ACMSD: variants seen among roughly 807,000 people sequenced by gnomAD.
ACMSD encodes aminocarboxymuconate semialdehyde decarboxylase, also known as 2-amino-3-carboxymuconate-6-semialdehyde decarboxylase.
ACMSD carries 37 observed loss-of-function variants against 45.9 expected under a neutral mutation model. The ratio of observed to expected loss-of-function variants is 0.81; its 90% CI spans 0.62 to 1.06. The LOEUF (loss-of-function observed/expected upper bound fraction) is 1.06, where lower values mean the gene tolerates loss of function less well. ACMSD is among the 50% of genes least tolerant of loss of function. ACMSD has a pLI of 0.00. For synonymous variants in ACMSD, 138 were observed against 148.8 expected (o/e 0.93, Z 0.53); for missense variants, 434 against 420.9 (o/e 1.03, Z -0.27).
At chr2:134,877,408 T>G (rs1688793657) in intron 8 of ACMSD, 1 of 152,198 alleles carries the variant, frequency 6.6e-6, no homozygotes, top group African/African-American at 2.4e-5. Flanking sequence ...TAGAAATAGC[T>G]TAACTGACCC....
At chr2:134,898,083 A>C (rs1409191364) in intron 8 of ACMSD, among the ~76,000 whole-genome samples, 1 of 151,554 alleles carries the variant, frequency 6.6e-6, no homozygotes, top group East Asian at 1.9e-4. Flanking sequence ...TCTATATTTC[A>C]GTTATTTAAA....
At chr2:134,848,281 T>C (rs890105202) in intron 2 of ACMSD, among the ~76,000 whole-genome samples, 2 of 152,242 alleles carry the variant, frequency 1.3e-5, no homozygotes, top group African/African-American at 4.8e-5. Flanking sequence ...TTATAATCCT[T>C]TGGGTATATA....
chr2:134,883,770 A>G (rs1689173064), intron 8 of ACMSD, among the ~76,000 whole-genome samples: 1 of 152,158 alleles, frequency 6.6e-6, no homozygotes, highest in African/African-American at 2.4e-5. Context: ...GAGTGCTACA[A>G]TTACAGGTGT....
rs181883901 is a variant in ACMSD at position 134,890,738 on chromosome 2, A to T, written c.850-7603A>T. Among the ~76,000 whole-genome samples, 375 of 152,146 alleles carry T rather than the reference A, an allele frequency of 2.5e-3. 6 individuals are homozygous for T. Among genetic ancestry groups the T allele is most frequent in the Admixed American group, 0.023 (358 of 15,262 alleles). On this transcript the variant is annotated intron_variant, in intron 8 of 9. Coordinates refer to ENST00000356140, the MANE Select transcript of ACMSD (RefSeq NM_138326.3). ...ATATATACATAAATATCTATGAGAA[A>T]ATGATAAAGCAAAGATGGCAAAGTA...
chr2:134,845,260 C>A lies in ACMSD; in HGVS notation c.85C>A (p.Leu29Ile). The A allele has an allele frequency of 6.2e-7, 1 of 1,614,096 alleles. No homozygotes were observed. The highest frequency in any genetic ancestry group is 1.1e-5 in the South Asian group (1 of 91,080). The change falls in exon 2 of 10, where the codon CTC (leucine) becomes ATC (isoleucine). Residue 29 changes from leucine (L) to isoleucine (I), a missense_variant. By Grantham distance (5) the Leu-to-Ile change is conservative. Coordinates refer to ENST00000356140, the MANE Select transcript of ACMSD (RefSeq NM_138326.3). ...GTTTGGCTACGGAGGCTGGGTGCAG[C>A]TCCAACACCACAGCAAGGTGAGTTT... is the stretch of plus-strand genomic sequence containing the variant. ...KRFGYGGWVQ[L>I]QHHSKGEAKL...
intron 1 of ACMSD, among the ~76,000 whole-genome samples, chr2:134,839,138 C>T (rs1292589766): frequency 6.6e-6 from 1 of 152,138 alleles, no homozygotes; most frequent in South Asian, 2.1e-4. Context: ...TCAAGGACTT[C>T]TAAAATATAT....
intron 2 of ACMSD, among the ~76,000 whole-genome samples, 198 bp downstream of exon 2, chr2:134,845,475 A>G (rs994269359): frequency 6.8e-6 from 1 of 146,972 alleles, no homozygotes; most frequent in African/African-American, 2.5e-5. Flanking sequence ...AGTATTTAGG[A>G]AGATAAAATT....
intron 5 of ACMSD, among the ~76,000 whole-genome samples, chr2:134,866,767 G>C (rs774612048): frequency 6.6e-6 from 1 of 152,174 alleles, no homozygotes; most frequent in Admixed American, 6.5e-5. Flanking sequence ...CTGTTGAGGA[G>C]ACTTCTTTTA....
intron 2 of ACMSD, among the ~76,000 whole-genome samples, chr2:134,851,260 G>A (rs1009663344): frequency 6.6e-6 from 1 of 152,170 alleles, no homozygotes; most frequent in Admixed American, 6.5e-5. Flanking sequence ...GAATAGTGCT[G>A]TAATGAACAT....
intron 8 of ACMSD, among the ~76,000 whole-genome samples, chr2:134,880,320 T>C (rs1045763422): frequency 3.9e-5 from 6 of 152,316 alleles, no homozygotes; most frequent in South Asian, 2.1e-4. Context: ...CTACTTGATA[T>C]AGGTCTATTT....
chr2:134,848,541 C>T (rs1392800048), intron 2 of ACMSD, among the ~76,000 whole-genome samples: 3 of 152,118 alleles, frequency 2.0e-5, no homozygotes, highest in Non-Finnish European at 2.9e-5. Flanking sequence ...TGATGATGAG[C>T]TTTTTTGCAT....
intron 5 of ACMSD, among the ~76,000 whole-genome samples, 160 bp downstream of exon 5, chr2:134,863,791 C>T (rs959181130): frequency 6.6e-6 from 1 of 152,032 alleles, no homozygotes; most frequent in Non-Finnish European, 1.5e-5. Context: ...AAATAGCCCC[C>T]GCAAAGGAGT....
chr2:134,864,236 T>C (rs1385123056), intron 5 of ACMSD, among the ~76,000 whole-genome samples: 1 of 149,528 alleles, frequency 6.7e-6, no homozygotes, highest in East Asian at 1.9e-4. Flanking sequence ...GCCACTGCAC[T>C]CTAGTCTGGG....
chr2:134,844,694 C>T (rs1338339651), intron 1 of ACMSD, among the ~76,000 whole-genome samples: 2 of 152,106 alleles, frequency 1.3e-5, no homozygotes, highest in Non-Finnish European at 2.9e-5. Context: ...GAAATGCAGG[C>T]GCTGGCTGAT....
chr2:134,884,036 T>C (rs1044769281), intron 8 of ACMSD, among the ~76,000 whole-genome samples: 2 of 152,208 alleles, frequency 1.3e-5, no homozygotes, highest in Non-Finnish European at 2.9e-5. Flanking sequence ...AAGTCAGAAA[T>C]GGTCAAAGAT....
intron 8 of ACMSD, among the ~76,000 whole-genome samples, chr2:134,890,089 A>C (rs6430555): frequency 0.59 from 88,928 of 151,784 alleles, 27,771 homozygotes; most frequent in Middle Eastern, 0.91. Context: ...AAGATATTTA[A>C]ATGATCTCAA....
intron 5 of ACMSD, among the ~76,000 whole-genome samples, chr2:134,864,413 T>C (rs914261166): frequency 2.6e-5 from 4 of 152,138 alleles, no homozygotes; most frequent in African/African-American, 7.2e-5. Flanking sequence ...CAAAGATGAG[T>C]AGCCACTGTT....
At chr2:134,845,366 C>A (rs1003373073) in intron 2 of ACMSD, 89 bp downstream of exon 2, 1 of 1,372,064 alleles carries the variant, frequency 7.3e-7, no homozygotes, top group Non-Finnish European at 1.0e-6. Flanking sequence ...CTCCAGGGAA[C>A]CCCACTCTTC....
At position 134,892,276 on chromosome 2, in the gene ACMSD, G is replaced by C. The variant is rs1689833892; in HGVS notation, c.850-6065G>C. On this transcript the variant is annotated intron_variant, in intron 8 of 9. Transcript: ENST00000356140. The stretch of plus-strand genomic sequence containing the variant: ...ACTGGAAAACAGTGTAACTCATTTA[G>C]GGCTCCAGCAGAAAATAAGATGACA... 1.3e-5 allele frequency among the ~76,000 whole-genome samples: 2 copies of C among 151,816 alleles called. 1 individual carries two copies. Among genetic ancestry groups the C allele is most frequent in the South Asian group, 4.2e-4 (2 of 4,810 alleles).
Sources: gnomAD v4.1 joint callset for allele counts (sites outside exome capture counted in the v4.1 genomes callset) on GRCh38, gnomAD v4.1.1 for gene constraint, MANE v1.5 for transcripts, NCBI Gene and HGNC (gene_info 2026-07-23, HGNC 2026-07-21) for gene names.